The following USH2A variants were observed in gnomAD, a reference collection of about 807,000 sequenced individuals.
USH2A encodes Usher syndrome 2A (autosomal recessive, mild).
In USH2A, 443 loss-of-function variants were observed where a neutral mutation model predicts 538.9. The ratio of observed to expected loss-of-function variants is 0.82; its 90% CI spans 0.76 to 0.89. The LOEUF (loss-of-function observed/expected upper bound fraction) is 0.89, where lower values mean the gene tolerates loss of function less well. USH2A is among the 40% of genes least tolerant of loss of function. The pLI, the probability that USH2A is intolerant of heterozygous loss-of-function variation, is 0.00. For synonymous variants in USH2A, 2,413 were observed against 2,273.5 expected (o/e 1.06, Z -1.75); for missense variants, 6,633 against 6,324.8 (o/e 1.05, Z -1.65).
chr1:216,391,144 G>GTAA (rs2039099754), intron 3 of USH2A, among the ~76,000 whole-genome samples: 1 of 152,180 alleles, frequency 6.6e-6, no homozygotes, highest in Non-Finnish European at 1.5e-5. Context: ...TGTAATCTGT[G>GTAA]CAAGTGAATA....
At chr1:215,821,213 A>C (rs1206217291) in intron 47 of USH2A, among the ~76,000 whole-genome samples, 1 of 151,812 alleles carries the variant, frequency 6.6e-6, no homozygotes, top group East Asian at 1.9e-4. Context: ...CAACAGTGTA[A>C]ATAGAGTTCC....
At chr1:216,293,555 T>C (rs1571670548) in intron 9 of USH2A, among the ~76,000 whole-genome samples, 1 of 152,204 alleles carries the variant, frequency 6.6e-6, no homozygotes, top group Non-Finnish European at 1.5e-5. Context: ...GTATTCAGAA[T>C]CTCTCAAACC....
chr1:216,086,887 A>C, intron 23 of USH2A, 67 bp from the exon 24 acceptor site: 1 of 1,258,138 alleles, frequency 7.9e-7, no homozygotes, highest in South Asian at 1.2e-5. Context: ...TCAGCAAATA[A>C]TAAAATCCTT....
chr1:216,045,904 A>G (rs1195948222), intron 32 of USH2A, among the ~76,000 whole-genome samples: 2 of 152,144 alleles, frequency 1.3e-5, no homozygotes, highest in African/African-American at 4.8e-5. Context: ...TGAATCTAAT[A>G]TGACCTTCAA....
intron 64 of USH2A, among the ~76,000 whole-genome samples, chr1:215,666,500 A>G (rs1376704867): frequency 6.6e-6 from 1 of 152,144 alleles, no homozygotes; most frequent in African/African-American, 2.4e-5. Context: ...ATGACAGTTT[A>G]GGCTAGTGAT....
intron 20 of USH2A, among the ~76,000 whole-genome samples, chr1:216,182,834 TC>T (rs1421490174): frequency 6.6e-6 from 1 of 152,056 alleles, no homozygotes; most frequent in Non-Finnish European, 1.5e-5. Flanking sequence ...AGCTGCCAGA[TC>T]CCAGTTCCAA....
Position 215,758,559 on chromosome 1 carries a change from T to C in USH2A, c.11389+36A>G, listed in dbSNP as rs1558085356. 2.6e-6 allele frequency: 4 copies of C among 1,532,544 alleles called. No homozygotes were observed. The South Asian group carries it at 3.4e-5, about 13-fold the overall frequency. The allele number at this position is 1,532,544 out of a possible 1,614,324, so 94.9% of individuals were successfully genotyped here. On this transcript the variant is annotated intron_variant, in intron 58 of 71. Transcript: ENST00000307340. ...CTCTAATTAATTCCTTTAAAATGTT[T>C]ACACACACACACACATACTTCTTTT...
Position 216,251,005 on chromosome 1 carries a change from C to G in USH2A, c.2065G>C (p.Asp689His). Reference sequence around the variant, plus strand: ...TTGCAGTTACAGGGACTGCAGCCATCAGGATCCAACTCTTGTAGATTGTAG... The same window carrying G: ...TTGCAGTTACAGGGACTGCAGCCATGAGGATCCAACTCTTGTAGATTGTAG... ...GFYNLQELDP[D>H]GCSPCNCNTS... The change falls in exon 12 of 72, where the codon GAT becomes CAT. Residue 689 changes from aspartate (D) to histidine (H), a missense_variant. Coordinates refer to ENST00000307340, the MANE Select transcript of USH2A (RefSeq NM_206933.4). The G allele has an allele frequency of 6.2e-7, 1 of 1,614,070 alleles. No individual in the cohort carries two copies. The highest frequency in any genetic ancestry group is 1.1e-5 in the South Asian group (1 of 91,078).
chr1:215,786,906 G>C (rs775664477), intron 51 of USH2A, 32 bp from the exon 52 acceptor site: 1 of 1,602,638 alleles, frequency 6.2e-7, no homozygotes, highest in African/African-American at 1.3e-5. Context: ...AGAGAGAGAG[G>C]GGTATTTAAA....
chr1:216,043,184 A>C lies in USH2A; in HGVS notation c.6325+3247T>G, dbSNP rs1430258932. Among the ~76,000 whole-genome samples, 3 of 152,148 alleles carry C rather than the reference A, an allele frequency of 2.0e-5. No individual in the cohort carries two copies. The East Asian group carries it at 5.8e-4, about 29-fold the overall frequency. Reference sequence around the variant, plus strand: ...AAAAGCAGAGGATTTGGGGCCAGACAGATCTACATTTGAATTAGTTCCTCT... The same window carrying C: ...AAAAGCAGAGGATTTGGGGCCAGACCGATCTACATTTGAATTAGTTCCTCT... On this transcript the variant is annotated intron_variant, in intron 32 of 71. Coordinates refer to ENST00000307340, the MANE Select transcript of USH2A (RefSeq NM_206933.4).
At chr1:215,881,606 G>T (rs1002420060) in intron 41 of USH2A, among the ~76,000 whole-genome samples, 6 of 152,182 alleles carry the variant, frequency 3.9e-5, no homozygotes, top group African/African-American at 1.4e-4. Flanking sequence ...ACATAAGAAA[G>T]ATTATGAAAT....
chr1:216,158,428 C>T (rs2033992374), intron 21 of USH2A, among the ~76,000 whole-genome samples: 3 of 151,972 alleles, frequency 2.0e-5, no homozygotes, highest in Non-Finnish European at 4.4e-5. Context: ...GAGATGAGGT[C>T]TCACTATGTC....
rs1475041474 is a variant in USH2A at position 215,888,544 on chromosome 1, A to T, written c.8105T>A (p.Met2702Lys). The change falls in exon 41 of 72, where the codon ATG becomes AAG. Residue 2702 changes from methionine to lysine, a missense_variant. By Grantham distance (95) the Met-to-Lys change is moderately conservative. Coordinates refer to ENST00000307340, the MANE Select transcript of USH2A (RefSeq NM_206933.4). ...GTTTGTGCCTCCATGAAGAGTGCTC[A>T]TCAGTACCCGATATTCATATTTTGT... The part of the protein sequence containing the change: ...PWTKYEYRVL[M>K]STLHGGTNSS... The T allele has an allele frequency of 1.9e-6, 3 of 1,614,056 alleles. No individual in the cohort carries two copies. The African/African-American group carries it at 4.0e-5, about 22-fold the overall frequency.
At chr1:215,820,827 G>A (rs1662991437) in intron 47 of USH2A, among the ~76,000 whole-genome samples, 2 of 151,750 alleles carry the variant, frequency 1.3e-5, no homozygotes, top group African/African-American at 2.4e-5. Flanking sequence ...ACATATGAAA[G>A]AGAACATGCA....
intron 61 of USH2A, among the ~76,000 whole-genome samples, chr1:215,714,217 G>A (rs1659417835): frequency 1.3e-5 from 2 of 152,122 alleles, no homozygotes; most frequent in Admixed American, 6.5e-5. Context: ...TATGATTACA[G>A]GTTAGCAAGA....
At chr1:215,845,750 A>C (rs1663822297) in intron 45 of USH2A, 74 bp downstream of exon 45, 1 of 1,517,246 alleles carries the variant, frequency 6.6e-7, no homozygotes, top group Non-Finnish European at 9.1e-7. Context: ...GGGATGACTG[A>C]TCTCAACCCC....
chr1:216,321,183 C>G (rs2037601447), intron 9 of USH2A, among the ~76,000 whole-genome samples: 1 of 152,056 alleles, frequency 6.6e-6, no homozygotes, highest in Non-Finnish European at 1.5e-5. Flanking sequence ...TCTATATTAT[C>G]TACTCTCATT....
rs111492306 is a variant in USH2A, at chr1:216,242,928, T to C, written c.2809+3657A>G. On this transcript the variant is annotated intron_variant, in intron 13 of 71. Transcript: ENST00000307340. ...GCTCACTGAAAGTACCGTTTGCTAC[T>C]ACACATAAAATGTTCTCTGATTAAA... is the stretch of plus-strand genomic sequence containing the variant. 9.9e-3 allele frequency among the ~76,000 whole-genome samples: 1,504 copies of C among 152,300 alleles called. 23 individuals carry two copies. Among genetic ancestry groups the C allele is most frequent in the African/African-American group, 0.034 (1,406 of 41,560 alleles).
At chr1:215,731,173 G>C (rs569511782) in intron 60 of USH2A, among the ~76,000 whole-genome samples, 2 of 152,012 alleles carry the variant, frequency 1.3e-5, no homozygotes, top group African/African-American at 4.8e-5. Context: ...CTAAAAGTGG[G>C]GTTTTAAATA....
Sources: gnomAD v4.1 joint callset for allele counts (sites outside exome capture counted in the v4.1 genomes callset) on GRCh38, gnomAD v4.1.1 for gene constraint, MANE v1.5 for transcripts, NCBI Gene and HGNC (gene_info 2026-07-23, HGNC 2026-07-21) for gene names.